The following CNIH3 variants were observed in gnomAD, a reference collection of about 807,000 sequenced individuals.
The protein encoded by CNIH3 is protein cornichon homolog 3.
Under a neutral mutation model 24.1 loss-of-function variants are expected in CNIH3, and 14 were observed. That is an observed-to-expected ratio of 0.58 (90% confidence interval 0.38 to 0.91). The LOEUF (loss-of-function observed/expected upper bound fraction) is 0.91, where lower values mean the gene tolerates loss of function less well. Ranked by LOEUF, CNIH3 falls within the 40% of genes least tolerant of loss-of-function variation. The pLI is 0.00. For synonymous variants in CNIH3, 68 were observed against 73.8 expected (o/e 0.92, Z 0.40); for missense variants, 178 against 196.8 (o/e 0.90, Z 0.57).
In CNIH3 at chr1:224,684,038, C is replaced by T. The variant is rs141058881; in HGVS notation, c.151-758C>T. 5.7e-3 allele frequency among the ~76,000 whole-genome samples: 875 copies of T among 152,360 alleles called. 9 individuals carry two copies. The highest frequency in any genetic ancestry group is 0.019 in the African/African-American group (809 of 41,588). On this transcript the variant is annotated intron_variant, in intron 2 of 5. Transcript: ENST00000272133. This position sits in a 1 kb window ranked among gnomAD's most constrained non-coding sequence, Gnocchi z 4.2. Reference sequence around the variant, plus strand: ...ATGAGGAATCTCATTACCATTCCATCTACAGCAACCAAATTGCCTCAGTAA... The same window carrying T: ...ATGAGGAATCTCATTACCATTCCATTTACAGCAACCAAATTGCCTCAGTAA...
At chr1:224,723,562 C>T (rs111318590) in intron 3 of CNIH3, among the ~76,000 whole-genome samples, 3,092 of 152,312 alleles carry the variant, frequency 0.02, 91 homozygotes, top group African/African-American at 0.067. Context: ...CACTCCTCTG[C>T]CCTTCATGCC....
chr1:224,733,271 A>G (rs901704956), intron 4 of CNIH3, among the ~76,000 whole-genome samples: 3 of 152,246 alleles, frequency 2.0e-5, no homozygotes, highest in Non-Finnish European at 1.5e-5. Flanking sequence ...TGACCCAAGG[A>G]AAGTCAATGT....
chr1:224,736,180 C>A (rs115810256), intron 5 of CNIH3, among the ~76,000 whole-genome samples: 438 of 152,250 alleles, frequency 2.9e-3, no homozygotes, highest in Non-Finnish European at 5.4e-3. Context: ...GGCTAGACTA[C>A]AATGGCAGGA....
chr1:224,637,953 G>T (rs1684175879), intron 1 of CNIH3, among the ~76,000 whole-genome samples: 1 of 152,228 alleles, frequency 6.6e-6, no homozygotes, highest in Admixed American at 6.5e-5. Flanking sequence ...TGGCTTCAAT[G>T]CTTTTAAAAT....
At chr1:224,625,234 A>G (rs1462482106) in intron 1 of CNIH3, among the ~76,000 whole-genome samples, 1 of 152,152 alleles carries the variant, frequency 6.6e-6, no homozygotes, top group Non-Finnish European at 1.5e-5. Context: ...GGTTATGACA[A>G]TCATCTGGAT....
intron 1 of CNIH3, among the ~76,000 whole-genome samples, chr1:224,448,961 CTTT>C (rs397983008): frequency 6.1e-5 from 7 of 115,250 alleles, no homozygotes; most frequent in Admixed American, 8.8e-5. Context: ...AGCTGGGATT[CTTT>C]TTTTTTTTTT....
At chr1:224,435,935 A>G (rs1471747374) in intron 1 of CNIH3, 1 of 152,206 alleles carries the variant, frequency 6.6e-6, no homozygotes, top group African/African-American at 2.4e-5. Context: ...TAATTAATAC[A>G]TCATACATCG....
intron 3 of CNIH3, among the ~76,000 whole-genome samples, chr1:224,727,092 C>T (rs1010175073): frequency 2.6e-5 from 4 of 152,238 alleles, no homozygotes; most frequent in Non-Finnish European, 5.9e-5. Context: ...TATTCAGCCC[C>T]TGCCCGAGCA....
chr1:224,507,464 TA>T (rs1460128579), intron 1 of CNIH3, among the ~76,000 whole-genome samples: 1 of 152,188 alleles, frequency 6.6e-6, no homozygotes, highest in Non-Finnish European at 1.5e-5. Flanking sequence ...TTAAGGTGAT[TA>T]AAATAGTGCC....
At chr1:224,580,521 C>T (rs1012504579) in intron 4 of CNIH3, among the ~76,000 whole-genome samples, 4 of 152,094 alleles carry the variant, frequency 2.6e-5, no homozygotes, top group Non-Finnish European at 4.4e-5. Flanking sequence ...AAAAGGAGGT[C>T]GCATTCTTCT....
At chr1:224,464,198 C>G (rs1676062569) in intron 1 of CNIH3, among the ~76,000 whole-genome samples, 1 of 152,076 alleles carries the variant, frequency 6.6e-6, no homozygotes, top group South Asian at 2.1e-4. Context: ...GGTGTCATGT[C>G]TAAGCAATCT....
In CNIH3 at chr1:224,618,038, G is replaced by C. The variant is rs1374160265; in HGVS notation, c.81+783G>C. Among the ~76,000 whole-genome samples, 3 of 152,216 alleles carry C rather than the reference G, an allele frequency of 2.0e-5. No individual in the cohort carries two copies. In the East Asian group the frequency reaches 5.8e-4, roughly 29 times the overall value. ...TGTCACCCTTCCCGGGGCTACGCCA[G>C]GTGGAGGGCAGCCGTGGATCCCAGT... On this transcript the variant is annotated intron_variant, in intron 1 of 5. Coordinates refer to ENST00000272133, the MANE Select transcript of CNIH3 (RefSeq NM_152495.2).
At chr1:224,580,197 C>T (rs1471541850) in intron 4 of CNIH3, among the ~76,000 whole-genome samples, 1 of 152,122 alleles carries the variant, frequency 6.6e-6, no homozygotes, top group Non-Finnish European at 1.5e-5. Flanking sequence ...TTGAGTCAGA[C>T]CCCTTATATT....
chr1:224,716,602 T>C (rs918936390), intron 3 of CNIH3, among the ~76,000 whole-genome samples: 2 of 151,874 alleles, frequency 1.3e-5, no homozygotes, highest in African/African-American at 2.4e-5. Context: ...GAATGGAAAT[T>C]TGGGGAAGGA....
intron 1 of CNIH3, among the ~76,000 whole-genome samples, chr1:224,626,453 G>A (rs937216317): frequency 4.6e-5 from 7 of 152,160 alleles, no homozygotes; most frequent in Non-Finnish European, 1.0e-4. Context: ...GAAGCAAACA[G>A]GGACATTCTT....
At position 224,674,251 on chromosome 1, in the gene CNIH3, G is replaced by A. The variant is rs559557732; in HGVS notation, c.82-6707G>A. Among the ~76,000 whole-genome samples the A allele has an allele frequency of 1.3e-4, 12 of 91,122 alleles. No individual in the cohort carries two copies. In the East Asian group the frequency reaches 3.0e-3, roughly 22 times the overall value. 59.8% of individuals were successfully genotyped at this position (91,122 alleles called of 152,430 possible). On this transcript the variant is annotated intron_variant, in intron 1 of 5. Transcript: ENST00000272133. ...GCTAATGCACATTGACATTTCAATC[G>A]TTTCTTCATCTTCCAGGAAGGTTTT...
chr1:224,536,771 G>C (rs1467747288), intron 2 of CNIH3, among the ~76,000 whole-genome samples: 2 of 152,176 alleles, frequency 1.3e-5, no homozygotes, highest in African/African-American at 4.8e-5. Context: ...TAGAAAGAAA[G>C]AATCATATTA....
chr1:224,604,399 C>T lies in CNIH3; in HGVS notation n.402+38135C>T, dbSNP rs978893894. 4.6e-5 allele frequency among the ~76,000 whole-genome samples: 7 copies of T among 151,894 alleles called. No individual in the cohort carries two copies. Among genetic ancestry groups the T allele is most frequent in the African/African-American group, 1.7e-4 (7 of 41,356 alleles). On this transcript the variant is annotated intron_variant and non_coding_transcript_variant, in intron 3 of 7. Coordinates refer to the CNIH3 transcript ENST00000478120. The surrounding 1 kb of genome is among the most constrained non-coding windows in gnomAD (Gnocchi z 4.4). ...CTTTTTGAAGAGATTCTGTCTCTGA[C>T]GGGGAGGGGTGGGAGAGAAGAGATA...
chr1:224,600,324 TGA>T (rs1682154421), intron 3 of CNIH3, among the ~76,000 whole-genome samples: 3 of 151,814 alleles, frequency 2.0e-5, no homozygotes, highest in African/African-American at 7.3e-5. Context: ...CGAGTAGCTG[TGA>T]TTATAGGCAT....
Sources: allele counts gnomAD v4.1 joint callset (sites outside exome capture counted in the v4.1 genomes callset), GRCh38; gene constraint gnomAD v4.1.1; non-coding constraint Gnocchi (gnomAD v3.1); transcripts MANE v1.5; gene names NCBI Gene and HGNC (gene_info 2026-07-23, HGNC 2026-07-21).